Variants in RBM47 observed in about 807,000 individuals in gnomAD.
The protein encoded by RBM47 is RNA binding motif protein 47, also known as RNA-binding protein 47.
In RBM47, 21 loss-of-function variants were observed where a neutral mutation model predicts 47.1. That is an observed-to-expected ratio of 0.45 (90% CI 0.32 to 0.64). The LOEUF (loss-of-function observed/expected upper bound fraction) is 0.64. RBM47 is among the 30% of genes least tolerant of loss of function. The pLI, the probability that RBM47 is intolerant of heterozygous loss-of-function variation, is 0.05. For missense variants in RBM47, 708 were observed against 870.9 expected (o/e 0.81, Z 2.35); for synonymous variants, 375 against 361.7 (o/e 1.04, Z -0.42).
At chr4:40,581,434 T>TAATAAATAAATA (rs375591976) in intron 1 of RBM47, among the ~76,000 whole-genome samples, 49,297 of 138,668 alleles carry the variant, frequency 0.36, 9,049 homozygotes, top group Non-Finnish European at 0.4. Flanking sequence ...AAAAAAGTAA[T>TAATAAATAAATA]AATAAATAAA....
intron 1 of RBM47, among the ~76,000 whole-genome samples, chr4:40,583,388 G>GGAAAAAAAA (rs1733166027): frequency 1.1e-5 from 1 of 91,102 alleles, no homozygotes. Context: ...CTCCATCTCA[G>GGAAAAAAAA]AAAAAAAAAA....
At chr4:40,454,030 AC>A (rs1244708430) in intron 3 of RBM47, among the ~76,000 whole-genome samples, 2 of 152,084 alleles carry the variant, frequency 1.3e-5, no homozygotes, top group African/African-American at 4.8e-5. Context: ...CCTGCTGGAG[AC>A]CTGCACATTT....
intron 2 of RBM47, among the ~76,000 whole-genome samples, chr4:40,531,054 G>A (rs1168067566): frequency 3.9e-5 from 6 of 152,182 alleles, no homozygotes; most frequent in African/African-American, 1.4e-4. Flanking sequence ...AGCCATGATC[G>A]CGGCAGTGCG....
intron 2 of RBM47, among the ~76,000 whole-genome samples, chr4:40,505,053 C>T (rs372991827): frequency 4.6e-5 from 7 of 152,100 alleles, no homozygotes; most frequent in South Asian, 2.1e-4. Context: ...CAGTTAGGCA[C>T]GGTGGCACAT....
chr4:40,544,049 A>T (rs1268614317), intron 2 of RBM47: 2 of 152,200 alleles, frequency 1.3e-5, no homozygotes, highest in Non-Finnish European at 2.9e-5. Flanking sequence ...AATTTCAGAC[A>T]TGTTAAATTG....
rs1713054616 is a variant in RBM47, at chr4:40,438,395, T to C, written c.499A>G (p.Ile167Val). 1.2e-6 allele frequency: 2 copies of C among 1,612,870 alleles called. No individual in the cohort carries two copies. Among genetic ancestry groups the C allele is most frequent in the Non-Finnish European group, 1.7e-6 (2 of 1,179,952 alleles). ...GIPKMKKREE[I>V]LEEIAKVTEG... Reference sequence around the variant, plus strand: ...GTGACCTTGGCAATCTCCTCCAGGATTTCCTCGCGCTTCTTCATCTTGGGG... The same window carrying C: ...GTGACCTTGGCAATCTCCTCCAGGACTTCCTCGCGCTTCTTCATCTTGGGG... The change falls in exon 4 of 7, where the codon ATC becomes GTC. Residue 167 changes from isoleucine (I) to valine (V), a missense_variant. Transcript: ENST00000295971.
chr4:40,552,579 G>A (rs1729666124), intron 1 of RBM47, among the ~76,000 whole-genome samples: 1 of 152,110 alleles, frequency 6.6e-6, no homozygotes, highest in African/African-American at 2.4e-5. Flanking sequence ...TCCACATTCT[G>A]ATAGATCAAT....
chr4:40,546,963 A>T (rs1045731303), intron 1 of RBM47, among the ~76,000 whole-genome samples: 2 of 152,228 alleles, frequency 1.3e-5, no homozygotes, highest in African/African-American at 4.8e-5. Context: ...TGGCATTCTG[A>T]CTAAATGTTA....
At chr4:40,570,664 T>C (rs1017611824) in intron 1 of RBM47, among the ~76,000 whole-genome samples, 1 of 151,934 alleles carries the variant, frequency 6.6e-6, no homozygotes, top group African/African-American at 2.4e-5. Flanking sequence ...GAACACAGCA[T>C]AGAATGAAGA....
At chr4:40,630,811 T>C (rs1738151817), upstream of RBM47, 1 of 152,000 alleles carries the variant, frequency 6.6e-6, no homozygotes, top group Non-Finnish European at 1.5e-5. Flanking sequence ...GCCTCCCGCA[T>C]TTCAGTGGAG....
intron 2 of RBM47, among the ~76,000 whole-genome samples, chr4:40,484,467 T>C (rs1227701563): frequency 2.0e-5 from 3 of 149,972 alleles, no homozygotes; most frequent in Non-Finnish European, 3.0e-5. Context: ...AGCTGACACC[T>C]TTCCCTGCTA....
intron 3 of RBM47, among the ~76,000 whole-genome samples, chr4:40,460,244 CTTAA>C (rs1416141146): frequency 1.3e-5 from 2 of 150,182 alleles, no homozygotes; most frequent in African/African-American, 4.9e-5. Flanking sequence ...TTCTTTTGGC[CTTAA>C]CTGATATGCT....
intron 2 of RBM47, among the ~76,000 whole-genome samples, chr4:40,498,741 A>G (rs1391073494): frequency 6.6e-6 from 1 of 152,064 alleles, no homozygotes. Context: ...TTTGATTGCA[A>G]GAAGGTATAA....
At chr4:40,504,106 A>G (rs1396104806) in intron 2 of RBM47, among the ~76,000 whole-genome samples, 1 of 152,046 alleles carries the variant, frequency 6.6e-6, no homozygotes, top group Non-Finnish European at 1.5e-5. Flanking sequence ...ATGGTTTTCT[A>G]TTTTGCATTC....
chr4:40,611,251 C>T (rs1024184918), intron 1 of RBM47, among the ~76,000 whole-genome samples: 4 of 152,138 alleles, frequency 2.6e-5, no homozygotes, highest in African/African-American at 9.7e-5. Context: ...TATCTCTATT[C>T]TAGAAAGCAC....
intron 2 of RBM47, among the ~76,000 whole-genome samples, chr4:40,493,424 C>T (rs1417852415): frequency 5.3e-5 from 8 of 152,114 alleles, no homozygotes; most frequent in African/African-American, 1.2e-4. Flanking sequence ...ACTTGGCACA[C>T]GGTAAGTGCT....
intron 6 of RBM47, among the ~76,000 whole-genome samples, chr4:40,432,197 T>C (rs1356108200): frequency 7.1e-6 from 1 of 141,706 alleles, no homozygotes; most frequent in African/African-American, 3.0e-5. Context: ...TCTCTCTCTC[T>C]CTCTTTACAC....
chr4:40,461,813 T>TG (rs1187381887), intron 3 of RBM47, among the ~76,000 whole-genome samples: 1 of 151,874 alleles, frequency 6.6e-6, no homozygotes, highest in Admixed American at 6.6e-5. Context: ...CAGGCGCCTG[T>TG]AATCCCAACT....
intron 1 of RBM47, among the ~76,000 whole-genome samples, chr4:40,558,921 G>T (rs1730354905): frequency 6.6e-6 from 1 of 152,050 alleles, no homozygotes; most frequent in African/African-American, 2.4e-5. Context: ...TTGAACCCAG[G>T]AGGCGGAGGT....
Sources: allele counts gnomAD v4.1 joint callset (sites outside exome capture counted in the v4.1 genomes callset), GRCh38; gene constraint gnomAD v4.1.1; transcripts MANE v1.5; gene names NCBI Gene and HGNC (gene_info 2026-07-23, HGNC 2026-07-21).